The following MCM10 variants were observed in gnomAD, a reference collection of about 807,000 sequenced individuals.
MCM10 encodes minichromosome maintenance 10 replication initiation factor, also known as protein MCM10 homolog.
Under a neutral mutation model 109.9 loss-of-function variants are expected in MCM10, and 91 were observed. That is an observed-to-expected ratio of 0.83 (90% CI 0.70 to 0.99). MCM10 has a LOEUF of 0.99. Ranked by LOEUF, MCM10 falls within the 50% of genes least tolerant of loss-of-function variation. The pLI, the probability that MCM10 is intolerant of heterozygous loss-of-function variation, is 0.00. For synonymous variants in MCM10, 380 were observed against 387.2 expected (o/e 0.98, Z 0.22); for missense variants, 1,077 against 1,061.2 (o/e 1.01, Z -0.21).
intron 6 of MCM10, among the ~76,000 whole-genome samples, chr10:13,178,298 A>G (rs1834167159): frequency 6.6e-6 from 1 of 152,234 alleles, no homozygotes; most frequent in African/African-American, 2.4e-5. Flanking sequence ...CATGCTGGCC[A>G]GGCTGGTCTC....
At chr10:13,191,035 T>C (rs1169426229) in intron 10 of MCM10, among the ~76,000 whole-genome samples, 2 of 152,172 alleles carry the variant, frequency 1.3e-5, no homozygotes, top group East Asian at 3.8e-4. Flanking sequence ...GATCAAAGCA[T>C]TGGCTTTTTT....
intron 7 of MCM10, among the ~76,000 whole-genome samples, chr10:13,181,207 G>A (rs917268222): frequency 7.9e-5 from 12 of 151,982 alleles, no homozygotes; most frequent in African/African-American, 2.7e-4. Context: ...TTTCTTTACC[G>A]GCTTCCATTT....
chr10:13,180,300 C>T, intron 6 of MCM10, 142 bp from the exon 7 acceptor site: 3 of 483,912 alleles, frequency 6.2e-6, no homozygotes. Context: ...AAATGGATGC[C>T]TTGGTCATAC....
chr10:13,175,522 C>A lies in MCM10; in HGVS notation c.605C>A (p.Ser202Ter). The A allele has an allele frequency of 1.2e-6, 2 of 1,613,830 alleles. No homozygotes were observed. Among genetic ancestry groups the A allele is most frequent in the South Asian group, 1.1e-5 (1 of 91,046 alleles). The stretch of plus-strand genomic sequence containing the variant: ...GTTAATTTTCTAGATCCCAAAAGCT[C>A]ATCTTCAAGGATGACAAGTGCACCC... Reference protein sequence around the residue: ...PKASPPDPKSSSSRMTSAPSQ... With the variant: ...PKASPPDPKS Residue 202 changes from serine to a stop codon, truncating the protein, a stop_gained, in exon 6 of 20, where the codon TCA (serine) becomes TAA (stop). Coordinates refer to ENST00000378714, the MANE Select transcript of MCM10 (RefSeq NM_018518.5). LOFTEE classifies it high-confidence loss of function.
chr10:13,183,938 A>G lies in MCM10; in HGVS notation c.1098+838A>G, dbSNP rs150561643. Reference sequence around the variant, plus strand: ...CAATGGCGTGATCTTGACTCACTTCAACCTATACCTCCCAGGTTCAAGTGG... The same window carrying G: ...CAATGGCGTGATCTTGACTCACTTCGACCTATACCTCCCAGGTTCAAGTGG... On this transcript the variant is annotated intron_variant, in intron 8 of 19. Transcript: ENST00000378714. 6.7e-3 allele frequency among the ~76,000 whole-genome samples: 1,021 copies of G among 152,166 alleles called. 4 individuals carry two copies. The highest frequency in any genetic ancestry group is 0.018 in the Admixed American group (269 of 15,290).
chr10:13,187,281 T>A (rs1405933679), intron 9 of MCM10, among the ~76,000 whole-genome samples: 1 of 152,282 alleles, frequency 6.6e-6, no homozygotes. Flanking sequence ...TTTCTCACAA[T>A]TGATCCGTGC....
At chr10:13,196,062 A>C (rs974918926) in intron 14 of MCM10, among the ~76,000 whole-genome samples, 14 of 151,768 alleles carry the variant, frequency 9.2e-5, no homozygotes, top group Admixed American at 2.0e-4. Flanking sequence ...ACATGCCACC[A>C]CGCCTTGGCT....
Position 13,165,647 on chromosome 10 carries a change from G to T in MCM10, c.7+1438G>T, listed in dbSNP as rs147662199. The stretch of plus-strand genomic sequence containing the variant: ...CCCAGCACTTTGGGAGGCCAAGGTG[G>T]GTGGATCACCTGAGGTCAGGAGTTC... On this transcript the variant is annotated intron_variant, in intron 2 of 19. Transcript: ENST00000378714. Among the ~76,000 whole-genome samples the T allele has an allele frequency of 4.0e-3, 608 of 152,172 alleles. 4 individuals are homozygous for T. Among genetic ancestry groups the T allele is most frequent in the African/African-American group, 0.014 (569 of 41,520 alleles).
At chr10:13,204,965 AT>A (rs1395615003) in intron 18 of MCM10, among the ~76,000 whole-genome samples, 1 of 139,532 alleles carries the variant, frequency 7.2e-6, no homozygotes, top group South Asian at 2.2e-4. Context: ...TTTTTATTGT[AT>A]TTTTTATTGT....
Position 13,210,356 on chromosome 10 carries a change from C to T in MCM10, c.*1046C>T, listed in dbSNP as rs1834644947. 6.6e-6 allele frequency: 1 copy of T among 151,800 alleles called. No individual in the cohort carries two copies. Among genetic ancestry groups the T allele is most frequent in the Non-Finnish European group, 1.5e-5 (1 of 67,982 alleles). The allele number at this position is 151,800 out of a possible 1,614,324, so 9.4% of individuals were successfully genotyped here. ...GAAAGGTCAACCCCTATGCAAATTACCACAGCAAAGGTTTCATTCAGGAGA... is the reference window on the plus strand; with the variant it reads ...GAAAGGTCAACCCCTATGCAAATTATCACAGCAAAGGTTTCATTCAGGAGA... On this transcript the variant is annotated 3_prime_UTR_variant, in exon 20 of 20. Coordinates refer to ENST00000378714, the MANE Select transcript of MCM10 (RefSeq NM_018518.5).
chr10:13,161,772 A>G (rs1535857), intron 1 of MCM10, among the ~76,000 whole-genome samples, 166 bp downstream of exon 1: 111,730 of 152,088 alleles, frequency 0.73, 41,348 homozygotes, highest in Middle Eastern at 0.91. Flanking sequence ...GACCGCTCGG[A>G]GCTGGCATGG....
At chr10:13,189,104 T>G in intron 10 of MCM10, 24 bp downstream of exon 10, 1 of 1,613,604 alleles carries the variant, frequency 6.2e-7, no homozygotes, top group South Asian at 1.1e-5. Context: ...GGGCTTCTTT[T>G]GGGCAGAGGA....
At chr10:13,186,074 A>G in intron 8 of MCM10, 90 bp from the exon 9 acceptor site, 1 of 750,498 alleles carries the variant, frequency 1.3e-6, no homozygotes, top group Admixed American at 2.0e-5. Flanking sequence ...AACCTTCTTA[A>G]ATCAGCACCA....
intron 6 of MCM10, 54 bp downstream of exon 6, chr10:13,175,735 C>G: frequency 7.9e-7 from 1 of 1,273,498 alleles, no homozygotes; most frequent in South Asian, 1.4e-5. Flanking sequence ...TTTTGTGCCT[C>G]TCGGAGTCCT....
At chr10:13,194,080 TGA>T (rs34544172) in intron 13 of MCM10, among the ~76,000 whole-genome samples, 26,592 of 152,086 alleles carry the variant, frequency 0.17, 2,478 homozygotes, top group South Asian at 0.2. Context: ...ATATCTCTTA[TGA>T]GGCTGGCTTG....
At chr10:13,166,688 A>ATATATATATATATATATATATATG (rs1435674336) in intron 2 of MCM10, among the ~76,000 whole-genome samples, 3 of 135,930 alleles carry the variant, frequency 2.2e-5, no homozygotes, top group Admixed American at 7.3e-5. Flanking sequence ...ATATATATAT[A>ATATATATATATATATATATATATG]TCATCAGCTA....
chr10:13,191,628 T>C (rs1271834790), intron 11 of MCM10, among the ~76,000 whole-genome samples: 2 of 152,150 alleles, frequency 1.3e-5, no homozygotes, highest in Middle Eastern at 3.2e-3. Context: ...GCTCATACTC[T>C]TAAGTAATAA....
intron 8 of MCM10, among the ~76,000 whole-genome samples, chr10:13,185,852 C>T (rs1834267899): frequency 6.6e-6 from 1 of 152,144 alleles, no homozygotes; most frequent in East Asian, 1.9e-4. Flanking sequence ...CCTGGACTTC[C>T]CAAGCTCTAG....
At position 13,175,570 on chromosome 10, in the gene MCM10, C is replaced by A. The variant is rs1834130557; in HGVS notation, c.653C>A (p.Ser218Tyr). 1.9e-6 allele frequency: 3 copies of A among 1,614,158 alleles called. No homozygotes were observed. The highest frequency in any genetic ancestry group is 2.5e-6 in the Non-Finnish European group (3 of 1,179,972). Residue 218 changes from serine to tyrosine, a missense_variant, in exon 6 of 20, where the codon TCT becomes TAT. Ser to Tyr is a moderately radical substitution (Grantham distance 144, BLOSUM62 -2). Coordinates refer to ENST00000378714, the MANE Select transcript of MCM10 (RefSeq NM_018518.5). ...CCCTCCCAACCCCTACAGACGATTT[C>A]TCGGAACAAACCTAGTGGGATAACT... ...SAPSQPLQTI[S>Y]RNKPSGITRG...
Sources: allele counts gnomAD v4.1 joint callset (sites outside exome capture counted in the v4.1 genomes callset), GRCh38; gene constraint gnomAD v4.1.1; transcripts MANE v1.5; gene names NCBI Gene and HGNC (gene_info 2026-07-23, HGNC 2026-07-21).